DIP2B: variants seen among roughly 807,000 people sequenced by gnomAD.
DIP2B encodes disco-interacting protein 2 homolog B.
A neutral mutation model predicts 198.0 loss-of-function variants in DIP2B; 76 were observed. The observed-to-expected ratio is 0.38, with a 90% CI of 0.32 to 0.46. The LOEUF (loss-of-function observed/expected upper bound fraction) is 0.46. DIP2B is among the 20% of genes least tolerant of loss of function. The probability of loss-of-function intolerance (pLI) is 0.99; values close to 1 mark genes in which losing one functional copy is unlikely to be tolerated. For synonymous variants in DIP2B, 701 were observed against 739.1 expected, an observed-to-expected ratio of 0.95 and a Z score of 0.84; for missense variants, 1,559 against 1,978.4, an observed-to-expected ratio of 0.79 and a Z score of 4.02.
At chr12:50,579,538 G>C (rs1276570141) in intron 1 of DIP2B, among the ~76,000 whole-genome samples, 2 of 143,722 alleles carry the variant, frequency 1.4e-5, no homozygotes, top group Non-Finnish European at 3.0e-5. Flanking sequence ...CTTGAACCTG[G>C]GAGGTGGAGG....
chr12:50,551,512 C>T (rs980264686), intron 1 of DIP2B, among the ~76,000 whole-genome samples: 5 of 152,130 alleles, frequency 3.3e-5, no homozygotes, highest in Admixed American at 6.5e-5. Context: ...AGCATGATCT[C>T]GGTGCACTGC....
At chr12:50,692,174 G>C (rs2139549320) in intron 13 of DIP2B, among the ~76,000 whole-genome samples, 1 of 152,018 alleles carries the variant, frequency 6.6e-6, no homozygotes, top group East Asian at 1.9e-4. Context: ...CATTAAGCAG[G>C]AACAAGTTAG....
At chr12:50,556,635 C>G (rs1326392791) in intron 1 of DIP2B, among the ~76,000 whole-genome samples, 1 of 150,722 alleles carries the variant, frequency 6.6e-6, no homozygotes. Flanking sequence ...CTCTGCCTCC[C>G]GGGTTCAAGC....
intron 1 of DIP2B, among the ~76,000 whole-genome samples, chr12:50,609,868 G>A (rs939323284): frequency 6.6e-6 from 1 of 152,174 alleles, no homozygotes; most frequent in Non-Finnish European, 1.5e-5. Context: ...CCTGTTTCAT[G>A]TTCTGTTAAA....
At chr12:50,541,403 C>CTTTTT (rs57979674) in intron 1 of DIP2B, among the ~76,000 whole-genome samples, 1 of 128,614 alleles carries the variant, frequency 7.8e-6, no homozygotes, top group African/African-American at 2.9e-5. Flanking sequence ...AAAGAACATT[C>CTTTTT]TTTTTTTTTT....
chr12:50,686,712 A>G (rs1451063838), intron 12 of DIP2B, 30 bp downstream of exon 12: 3 of 1,595,562 alleles, frequency 1.9e-6, no homozygotes, highest in Non-Finnish European at 2.6e-6. Context: ...ATATGCTTTC[A>G]GGCTTTTCCT....
chr12:50,718,207 T>C (rs1331307267), intron 23 of DIP2B, among the ~76,000 whole-genome samples: 2 of 152,232 alleles, frequency 1.3e-5, no homozygotes, highest in African/African-American at 4.8e-5. Context: ...CATTATTCAC[T>C]TTTAATTGAA....
At chr12:50,566,130 C>T (rs1261915309) in intron 1 of DIP2B, among the ~76,000 whole-genome samples, 1 of 152,132 alleles carries the variant, frequency 6.6e-6, no homozygotes, top group African/African-American at 2.4e-5. Context: ...GCAGCCTCAA[C>T]CTCCTGAACT....
chr12:50,732,583 G>A, intron 32 of DIP2B, 47 bp downstream of exon 32: 2 of 1,605,838 alleles, frequency 1.2e-6, no homozygotes, highest in Non-Finnish European at 8.5e-7. Flanking sequence ...AGAGGAATAT[G>A]GAGTATCCCA....
intron 1 of DIP2B, among the ~76,000 whole-genome samples, chr12:50,510,955 T>TG (rs1271335544): frequency 6.7e-6 from 1 of 149,364 alleles, no homozygotes; most frequent in African/African-American, 2.5e-5. Flanking sequence ...TTCTTTTTTT[T>TG]TTTTTTTTGA....
intron 1 of DIP2B, among the ~76,000 whole-genome samples, chr12:50,564,741 T>A (rs1432392829): frequency 6.6e-6 from 1 of 152,188 alleles, no homozygotes; most frequent in Non-Finnish European, 1.5e-5. Flanking sequence ...TTTCTTCATC[T>A]GTCATAGTAT....
At chr12:50,543,644 C>T (rs1004361459) in intron 1 of DIP2B, among the ~76,000 whole-genome samples, 2 of 151,252 alleles carry the variant, frequency 1.3e-5, no homozygotes, top group African/African-American at 2.4e-5. Flanking sequence ...CATGTTGGGC[C>T]GGTCATGGTG....
chr12:50,536,420 C>T (rs1326278835), intron 1 of DIP2B, among the ~76,000 whole-genome samples: 1 of 151,960 alleles, frequency 6.6e-6, no homozygotes, highest in African/African-American at 2.4e-5. Flanking sequence ...CATGCCACAG[C>T]CTGGGCAACA....
intron 1 of DIP2B, among the ~76,000 whole-genome samples, chr12:50,514,720 A>C (rs1958048705): frequency 6.6e-6 from 1 of 152,100 alleles, no homozygotes; most frequent in South Asian, 2.1e-4. Flanking sequence ...GCTGCAGTGT[A>C]GTGGGGTGCT....
chr12:50,578,532 G>C (rs1388010366), intron 1 of DIP2B, among the ~76,000 whole-genome samples: 1 of 140,618 alleles, frequency 7.1e-6, no homozygotes, highest in Non-Finnish European at 1.5e-5. Context: ...TTTTGAGACG[G>C]AGTCTCGCTC....
chr12:50,543,112 G>A (rs534159334), intron 1 of DIP2B, among the ~76,000 whole-genome samples: 3 of 152,050 alleles, frequency 2.0e-5, no homozygotes, highest in East Asian at 3.9e-4. Flanking sequence ...GGGCTCAAGC[G>A]ATTCACTCAC....
chr12:50,515,988 A>G (rs1230555959), intron 1 of DIP2B, among the ~76,000 whole-genome samples: 1 of 152,192 alleles, frequency 6.6e-6, no homozygotes, highest in African/African-American at 2.4e-5. Context: ...TATAAATGAT[A>G]GAAATTTATT....
At chr12:50,690,340 C>T (rs1939203250) in intron 12 of DIP2B, among the ~76,000 whole-genome samples, 1 of 152,184 alleles carries the variant, frequency 6.6e-6, no homozygotes, top group Non-Finnish European at 1.5e-5. Flanking sequence ...CCCACCTTGG[C>T]CTCCCAAAGT....
intron 19 of DIP2B, among the ~76,000 whole-genome samples, chr12:50,701,123 C>T (rs1001623687): frequency 6.6e-6 from 1 of 152,208 alleles, no homozygotes; most frequent in Non-Finnish European, 1.5e-5. Context: ...AGCCAGAATT[C>T]TCAGACTTAA....
Sources: allele counts gnomAD v4.1 joint callset (sites outside exome capture counted in the v4.1 genomes callset), GRCh38; gene constraint gnomAD v4.1.1; transcripts MANE v1.5; gene names NCBI Gene and HGNC (gene_info 2026-07-23, HGNC 2026-07-21).